The following TGOLN2 variants were observed in gnomAD, a reference collection of about 807,000 sequenced individuals.
The protein encoded by TGOLN2 is trans-golgi network protein 2.
TGOLN2 carries 19 observed loss-of-function variants against 31.3 expected under a neutral mutation model. That is an observed-to-expected ratio of 0.61 (90% CI 0.42 to 0.89). The LOEUF is 0.89. TGOLN2 is among the 40% of genes least tolerant of loss of function. TGOLN2 has a pLI of 0.00. For synonymous variants in TGOLN2, 222 were observed against 226.7 expected, an observed-to-expected ratio of 0.98 and a Z score of 0.19; for missense variants, 540 against 559.2, an observed-to-expected ratio of 0.97 and a Z score of 0.35.
At position 85,327,897 on chromosome 2, in the gene TGOLN2, T is replaced by C; in HGVS notation, c.46+20A>G. On this transcript the variant is annotated intron_variant, in intron 1 of 3. Coordinates refer to ENST00000377386, the MANE Select transcript of TGOLN2 (RefSeq NM_006464.4). ...GGGGGATCTGGGGGCAAGAGTGGGA[T>C]GCGGGATGGAGGGTCTTACCCGCCG... 1 of 1,594,852 alleles carries C rather than the reference T, an allele frequency of 6.3e-7. No homozygotes were observed. The highest frequency in any genetic ancestry group is 8.5e-7 in the Non-Finnish European group (1 of 1,170,872).
At chr2:85,324,662 C>T in intron 3 of TGOLN2, 1 of 528,228 alleles carries the variant, frequency 1.9e-6, no homozygotes, top group Non-Finnish European at 3.4e-6. Flanking sequence ...CTGCGTGGGC[C>T]TATTTCCTCA....
At chr2:85,326,445 C>CA in intron 2 of TGOLN2, 63 bp downstream of exon 2, 1 of 1,541,178 alleles carries the variant, frequency 6.5e-7, no homozygotes, top group South Asian at 1.2e-5. Context: ...GATACCCACC[C>CA]ACACCCAAGC....
intron 3 of TGOLN2, chr2:85,324,646 G>A (rs1682669782): frequency 4.2e-6 from 2 of 474,364 alleles, no homozygotes; most frequent in Admixed American, 7.6e-5. Flanking sequence ...AAAAAAAAGA[G>A]TGTTTCTGCG....
rs1682528995 is a variant in TGOLN2 at position 85,321,036 on chromosome 2, G to C, written c.*1700C>G. The stretch of plus-strand genomic sequence containing the variant: ...GATGAATAACAAATAGGACAGATGG[G>C]AACAGAAAAATCTGGGTGCATACGA... On this transcript the variant is annotated 3_prime_UTR_variant, in exon 4 of 4. Coordinates refer to ENST00000377386, the MANE Select transcript of TGOLN2 (RefSeq NM_006464.4). The C allele has an allele frequency of 6.6e-6, 1 of 152,220 alleles. No homozygotes were observed. Among genetic ancestry groups the C allele is most frequent in the South Asian group, 2.1e-4 (1 of 4,824 alleles). The allele number at this position is 152,220 out of a possible 1,614,324, so 9.4% of individuals were successfully genotyped here.
rs553529644 is a variant in TGOLN2 at position 85,327,861 on chromosome 2, C to G, written c.46+56G>C. 11 of 1,570,898 alleles carry G rather than the reference C, an allele frequency of 7.0e-6. No homozygotes were observed. In the African/African-American group the frequency reaches 1.5e-4, roughly 22 times the overall value. On this transcript the variant is annotated intron_variant, in intron 1 of 3. Transcript: ENST00000377386. ...GAAGCGAGCCTAGAGGTGACCTGCC[C>G]AGGTGAGAATGGGGGATCTGGGGGC...
At position 85,318,350 on chromosome 2, in the gene TGOLN2, G is replaced by C. The variant is rs965294238; in HGVS notation, c.*4386C>G. On this transcript the variant is annotated 3_prime_UTR_variant, in exon 4 of 4. Coordinates refer to ENST00000377386, the MANE Select transcript of TGOLN2 (RefSeq NM_006464.4). ...TCAGAGGGTGAGGGGCTGGCTTACT[G>C]GCAGTTTGACATACTATACAGCTCA... is the stretch of plus-strand genomic sequence containing the variant. 2.0e-5 allele frequency: 3 copies of C among 152,182 alleles called. No individual in the cohort carries two copies. Among genetic ancestry groups the C allele is most frequent in the Non-Finnish European group, 4.4e-5 (3 of 68,042 alleles). The allele number at this position is 152,182 out of a possible 1,614,324, so 9.4% of individuals were successfully genotyped here.
rs753685095 is a variant in TGOLN2 at position 85,327,332 on chromosome 2, T to C, written c.400A>G (p.Lys134Glu). ...GCACCCGATTTGCCAGTGCTGTCTT[T>C]TGGAGTCTGCAGCTCCGGATGCGAC... is the stretch of plus-strand genomic sequence containing the variant. ...SKSHPELQTP[K>E]DSTGKSGAEA... Residue 134 changes from lysine (K) to glutamate (E), a missense_variant, in exon 2 of 4, where the codon AAA (lysine) becomes GAA (glutamate). By Grantham distance (56) the Lys-to-Glu change is moderately conservative. Transcript: ENST00000377386. 2.2e-5 allele frequency: 35 copies of C among 1,610,514 alleles called. No individual in the cohort carries two copies. The highest frequency in any genetic ancestry group is 1.6e-4 in the Middle Eastern group (1 of 6,070).
At chr2:85,325,973 C>G (rs1682714647) in intron 2 of TGOLN2, among the ~76,000 whole-genome samples, 1 of 152,150 alleles carries the variant, frequency 6.6e-6, no homozygotes, top group South Asian at 2.1e-4. Context: ...GAAAAAGTAA[C>G]AGGTGTACGT....
chr2:85,326,065 CA>C (rs139043776), intron 2 of TGOLN2, among the ~76,000 whole-genome samples: 3,369 of 152,168 alleles, frequency 0.022, 127 homozygotes, highest in African/African-American at 0.077. Flanking sequence ...ATCGAAGACG[CA>C]GTAATTGAAA....
chr2:85,320,375 G>C lies in TGOLN2; in HGVS notation c.*2361C>G, dbSNP rs1018702207. 1 of 152,150 alleles carries C rather than the reference G, an allele frequency of 6.6e-6. No homozygotes were observed. The highest frequency in any genetic ancestry group is 1.5e-5 in the Non-Finnish European group (1 of 68,026). The allele number at this position is 152,150 out of a possible 1,614,324, so 9.4% of individuals were successfully genotyped here. On this transcript the variant is annotated 3_prime_UTR_variant, in exon 4 of 4. Coordinates refer to ENST00000377386, the MANE Select transcript of TGOLN2 (RefSeq NM_006464.4). ...GGATCTGAAAAAACAAAATCCAAGA[G>C]AGAAGCAAAATGGGCTGGGGGTGTG...
chr2:85,323,663 T>C (rs954809504), intron 3 of TGOLN2, among the ~76,000 whole-genome samples: 2 of 152,256 alleles, frequency 1.3e-5, no homozygotes, highest in Non-Finnish European at 2.9e-5. Flanking sequence ...GCTAGCCTAC[T>C]GGACTAGTTA....
At chr2:85,325,109 T>A (rs970298859) in intron 2 of TGOLN2, 111 bp from the exon 3 acceptor site, 7 of 959,398 alleles carry the variant, frequency 7.3e-6, no homozygotes, top group African/African-American at 1.6e-5. Context: ...ACCCTGACTG[T>A]AGAAAGAGCA....
Position 85,327,300 on chromosome 2 carries a change from C to A in TGOLN2, c.432G>T (p.Ala144=), listed in dbSNP as rs927687566. The A allele has an allele frequency of 1.4e-5, 22 of 1,609,420 alleles. No individual in the cohort carries two copies. The highest frequency in any genetic ancestry group is 1.7e-5 in the Non-Finnish European group (20 of 1,177,594). The part of the protein sequence containing the change: ...KDSTGKSGAE[A]QTPEDSPNRS... Reference sequence around the variant, plus strand: ...TGTTGGGGCTGTCTTCTGGGGTCTGCGCCTCCGCACCCGATTTGCCAGTGC... The same window carrying A: ...TGTTGGGGCTGTCTTCTGGGGTCTGAGCCTCCGCACCCGATTTGCCAGTGC... Residue 144 remains alanine (A), a synonymous_variant, in exon 2 of 4, where the codon GCG becomes GCT. Transcript: ENST00000377386.
At position 85,327,361 on chromosome 2, in the gene TGOLN2, C is replaced by A; in HGVS notation, c.371G>T (p.Ser124Ile). 1 of 1,592,744 alleles carries A rather than the reference C, an allele frequency of 6.3e-7. No homozygotes were observed. Among genetic ancestry groups the A allele is most frequent in the Non-Finnish European group, 8.5e-7 (1 of 1,172,778 alleles). The change falls in exon 2 of 4, where the codon AGT becomes ATT. Residue 124 changes from serine to isoleucine, a missense_variant. Transcript: ENST00000377386. ...SEAQTTKDST[S>I]KSHPELQTPK... ...AGTCTGCAGCTCCGGATGCGACTTA[C>A]TAGTGCTGTCTTTTGTGGTCTGCGC...
At chr2:85,326,008 T>G (rs1466908040) in intron 2 of TGOLN2, among the ~76,000 whole-genome samples, 1 of 152,204 alleles carries the variant, frequency 6.6e-6, no homozygotes, top group Non-Finnish European at 1.5e-5. Flanking sequence ...TGGGCTTTCT[T>G]CTAATTATTA....
chr2:85,327,899 C>G lies in TGOLN2; in HGVS notation c.46+18G>C, dbSNP rs1244696417. On this transcript the variant is annotated intron_variant, in intron 1 of 3. Transcript: ENST00000377386. ...GGGATCTGGGGGCAAGAGTGGGATG[C>G]GGGATGGAGGGTCTTACCCGCCGCT... The G allele has an allele frequency of 6.3e-7, 1 of 1,593,736 alleles. No homozygotes were observed. The highest frequency in any genetic ancestry group is 1.1e-5 in the South Asian group (1 of 88,224).
chr2:85,322,102 C>CT lies in TGOLN2; in HGVS notation c.*633dup, dbSNP rs1007509531. The CT allele has an allele frequency of 4.6e-5, 7 of 152,070 alleles. No homozygotes were observed. The highest frequency in any genetic ancestry group is 9.7e-5 in the African/African-American group (4 of 41,256). 9.4% of individuals were successfully genotyped at this position (152,070 alleles called of 1,614,324 possible). A position where few individuals can be genotyped will look rare whatever the true frequency, so the allele number is the denominator to read the frequency against. On this transcript the variant is annotated 3_prime_UTR_variant, in exon 4 of 4. Coordinates refer to ENST00000377386, the MANE Select transcript of TGOLN2 (RefSeq NM_006464.4). ...GTTAGACTTGCACCCAAAAAAGCAT[C>CT]TTTTTTTTTAACCTGCTGTTTTGGT... is the stretch of plus-strand genomic sequence containing the variant.
Position 85,327,672 on chromosome 2 carries a change from G to A in TGOLN2, c.60C>T (p.Leu20=), listed in dbSNP as rs1300635611. Reference sequence around the variant, plus strand: ...CTTGCTTGACGCTTTCGGTGGCCAAGAGCGGCACGGCTCCTGAAATAGAAA... The same window carrying A: ...CTTGCTTGACGCTTTCGGTGGCCAAAAGCGGCACGGCTCCTGAAATAGAAA... The part of the protein sequence containing the change: ...LNVAAAGAVP[L]LATESVKQEE... The change falls in exon 2 of 4, where the codon CTC becomes CTT. Residue 20 remains leucine (L), a synonymous_variant. Transcript: ENST00000377386. The A allele has an allele frequency of 8.7e-6, 14 of 1,611,774 alleles. No individual in the cohort carries two copies. The highest frequency in any genetic ancestry group is 5.5e-5 in the South Asian group (5 of 91,046).
chr2:85,327,696 A>C lies in TGOLN2; in HGVS notation c.47-11T>G. 2 of 1,607,724 alleles carry C rather than the reference A, an allele frequency of 1.2e-6. No individual in the cohort carries two copies. The highest frequency in any genetic ancestry group is 1.7e-6 in the Non-Finnish European group (2 of 1,176,484). The stretch of plus-strand genomic sequence containing the variant: ...AGAGCGGCACGGCTCCTGAAATAGA[A>C]AAACGAGTTAGCACCGGAGAAGGGC... On this transcript the variant is annotated splice_polypyrimidine_tract_variant and intron_variant, in intron 1 of 3. Transcript: ENST00000377386.
Sources: gnomAD v4.1 joint callset for allele counts (sites outside exome capture counted in the v4.1 genomes callset) on GRCh38, gnomAD v4.1.1 for gene constraint, MANE v1.5 for transcripts, NCBI Gene and HGNC (gene_info 2026-07-23, HGNC 2026-07-21) for gene names.